ZNF547: variants seen among roughly 807,000 people sequenced by gnomAD.
ZNF547 encodes zinc finger protein 547.
A neutral mutation model predicts 7.7 loss-of-function variants in ZNF547; 4 were observed. The ratio of observed to expected loss-of-function variants is 0.52; its 90% CI spans 0.26 to 1.20. The LOEUF is 1.20. ZNF547 is among the 50% of genes most tolerant of loss of function. The pLI is 0.14. For synonymous variants in ZNF547, 166 were observed against 166.2 expected, an observed-to-expected ratio of 1.00 and a Z score of 0.01; for missense variants, 449 against 485.8, an observed-to-expected ratio of 0.92 and a Z score of 0.71.
At chr19:57,374,136 T>C (rs1600078176) in intron 3 of ZNF547, among the ~76,000 whole-genome samples, 1 of 152,338 alleles carries the variant, frequency 6.6e-6, no homozygotes, top group East Asian at 1.9e-4. Context: ...GAAATCTAGG[T>C]GGAGGTTCCC....
chr19:57,365,441 C>A, intron 1 of ZNF547: 3 of 551,660 alleles, frequency 5.4e-6, no homozygotes, highest in Non-Finnish European at 9.7e-6. Flanking sequence ...ATCAGTAGAT[C>A]AATTAGTATT....
In ZNF547 at chr19:57,369,024, CTCTAA is replaced by C. The variant is rs571890914; in HGVS notation, c.24+451_24+455del. Among the ~76,000 whole-genome samples, 817 of 152,188 alleles carry C rather than the reference CTCTAA, an allele frequency of 5.4e-3. 9 individuals are homozygous for C. The highest frequency in any genetic ancestry group is 0.029 in the South Asian group (138 of 4,816). ...TGGAATGACAGCCTAGGTCCTGGGT[CTCTAA>C]TCTAAGGGAGGTGGTAGATGGGGAA... is the stretch of plus-strand genomic sequence containing the variant. On this transcript the variant is annotated intron_variant, in intron 2 of 3. Transcript: ENST00000282282.
intron 1 of ZNF547, chr19:57,364,768 TCCGC>T: frequency 7.3e-7 from 1 of 1,374,276 alleles, no homozygotes; most frequent in Non-Finnish European, 1.0e-6. Flanking sequence ...GCGGGTCTCT[TCCGC>T]GGAAACTGAC....
chr19:57,376,258 G>T (rs1369452229), intron 3 of ZNF547, among the ~76,000 whole-genome samples: 3 of 152,096 alleles, frequency 2.0e-5, no homozygotes, highest in Non-Finnish European at 4.4e-5. Flanking sequence ...ACCTTCACCT[G>T]GTCCCACCCT....
rs201774240 is a variant in ZNF547 at position 57,377,294 on chromosome 19, C to T, written c.318C>T (p.Asp106=). The change falls in exon 4 of 4, where the codon GAC becomes GAT. Residue 106 remains aspartate (D), a synonymous_variant. Transcript: ENST00000282282. ...LKDILRLAEH[D]GTHPEQGLYT... is the part of the protein sequence containing the mutation. ...ACATTCTGCGTCTGGCTGAGCATGA[C>T]GGAACACACCCCGAGCAGGGACTGT... 33 of 1,614,170 alleles carry T rather than the reference C, an allele frequency of 2.0e-5. No individual in the cohort carries two copies. The Admixed American group carries it at 3.3e-4, about 16-fold the overall frequency.
At position 57,364,691 on chromosome 19, in the gene ZNF547, A is replaced by G. The variant is rs530886255; in HGVS notation, c.-13+988A>G. ...AGGAGGTGGAGATTGCAGTGAGCCA[A>G]GATCGCGCCATTGCACTCCAGCCTG... On this transcript the variant is annotated intron_variant, in intron 1 of 3. Coordinates refer to ENST00000282282, the MANE Select transcript of ZNF547 (RefSeq NM_173631.4). The G allele has an allele frequency of 8.6e-6, 6 of 701,152 alleles. No individual in the cohort carries two copies. In the East Asian group the frequency reaches 1.3e-4, roughly 16 times the overall value. The allele number at this position is 701,152 out of a possible 1,614,324, so 43.4% of individuals were successfully genotyped here.
At chr19:57,369,923 T>TTTTTTTTTTTA (rs56923117) in intron 2 of ZNF547, among the ~76,000 whole-genome samples, 1 of 143,042 alleles carries the variant, frequency 7.0e-6, no homozygotes. Context: ...TTTTTTTTTT[T>TTTTTTTTTTTA]GAGATGTGGC....
chr19:57,375,517 C>T (rs1403548446), intron 3 of ZNF547, among the ~76,000 whole-genome samples: 1 of 151,792 alleles, frequency 6.6e-6, no homozygotes, highest in Non-Finnish European at 1.5e-5. Context: ...CAAAAATTAG[C>T]CGGGCATGGT....
At chr19:57,370,959 T>TG (rs1249977560) in intron 2 of ZNF547, 1 of 148,352 alleles carries the variant, frequency 6.7e-6, no homozygotes, top group African/African-American at 2.5e-5. Context: ...GGTTTTTTGT[T>TG]TTTTTTTTTT....
chr19:57,368,637 C>T, intron 2 of ZNF547, 58 bp downstream of exon 2: 5 of 1,569,496 alleles, frequency 3.2e-6, no homozygotes, highest in Non-Finnish European at 4.4e-6. Flanking sequence ...GGTTTTGGCA[C>T]CTCCATGTAA....
Position 57,371,861 on chromosome 19 carries a change from T to A in ZNF547, c.104T>A (p.Leu35Gln). The change falls in exon 3 of 4, where the codon CTG (leucine) becomes CAG (glutamine). Residue 35 changes from leucine (L) to glutamine (Q), a missense_variant. By Grantham distance (113) the Leu-to-Gln change is moderately radical. Transcript: ENST00000282282. Reference protein sequence around the residue: ...WGHLDEAQRLLYRDVMLENLA... With the variant: ...WGHLDEAQRLQYRDVMLENLA... ...CATCTCGATGAGGCTCAGAGATTGCTGTACCGTGATGTGATGCTGGAGAAT... is the reference window on the plus strand; with the variant it reads ...CATCTCGATGAGGCTCAGAGATTGCAGTACCGTGATGTGATGCTGGAGAAT... 1 of 1,613,614 alleles carries A rather than the reference T, an allele frequency of 6.2e-7. No individual in the cohort carries two copies. The highest frequency in any genetic ancestry group is 8.5e-7 in the Non-Finnish European group (1 of 1,179,758).
At chr19:57,373,433 G>GC (rs2088518467) in intron 3 of ZNF547, among the ~76,000 whole-genome samples, 6 of 99,668 alleles carry the variant, frequency 6.0e-5, no homozygotes, top group African/African-American at 2.3e-4. Context: ...ATTCCACCCC[G>GC]GCCCCCCCCA....
intron 2 of ZNF547, 141 bp from the exon 3 acceptor site, chr19:57,371,641 G>A (rs541028391): frequency 1.7e-5 from 22 of 1,286,872 alleles, no homozygotes; most frequent in Admixed American, 2.3e-5. Context: ...GCCCAGGATG[G>A]TAGGGGAGAT....
At chr19:57,375,238 T>C (rs1181601757) in intron 3 of ZNF547, among the ~76,000 whole-genome samples, 1 of 152,030 alleles carries the variant, frequency 6.6e-6, no homozygotes, top group Non-Finnish European at 1.5e-5. Flanking sequence ...TAATCCTAGC[T>C]ACTCGGGAGG....
chr19:57,363,770 A>T (rs887157159), intron 1 of ZNF547, 67 bp downstream of exon 1: 3 of 147,728 alleles, frequency 2.0e-5, no homozygotes, highest in African/African-American at 7.5e-5. Flanking sequence ...TGAAGCCCAT[A>T]GAAGGGGCCC....
At chr19:57,376,322 G>A (rs1020624808) in intron 3 of ZNF547, among the ~76,000 whole-genome samples, 5 of 152,120 alleles carry the variant, frequency 3.3e-5, no homozygotes, top group Non-Finnish European at 5.9e-5. Context: ...GGGTGGGGAC[G>A]CAGAGCCTAA....
At chr19:57,374,670 G>C (rs946697480) in intron 3 of ZNF547, among the ~76,000 whole-genome samples, 4 of 152,186 alleles carry the variant, frequency 2.6e-5, no homozygotes, top group African/African-American at 9.7e-5. Flanking sequence ...TCTTCTGCCA[G>C]ATACCCTAAA....
chr19:57,367,611 C>A (rs868425635), intron 1 of ZNF547, among the ~76,000 whole-genome samples: 2 of 152,086 alleles, frequency 1.3e-5, no homozygotes, highest in African/African-American at 4.8e-5. Flanking sequence ...AAGGCGCAGA[C>A]CTGCCATAGG....
At chr19:57,375,495 TAAC>T (rs1448630483) in intron 3 of ZNF547, among the ~76,000 whole-genome samples, 4 of 149,432 alleles carry the variant, frequency 2.7e-5, no homozygotes, top group African/African-American at 9.9e-5. Flanking sequence ...CTACTAAGAA[TAAC>T]AACAACAACA....
Sources: gnomAD v4.1 joint callset for allele counts (sites outside exome capture counted in the v4.1 genomes callset) on GRCh38, gnomAD v4.1.1 for gene constraint, MANE v1.5 for transcripts, NCBI Gene and HGNC (gene_info 2026-07-23, HGNC 2026-07-21) for gene names.